Variants in TCF7L1 observed in about 807,000 individuals in gnomAD.
TCF7L1 encodes transcription factor 7 like 1.
TCF7L1 carries 18 observed loss-of-function variants against 63.7 expected under a neutral mutation model. That is an observed-to-expected ratio of 0.28 (90% CI 0.20 to 0.42). TCF7L1 has a LOEUF of 0.42. TCF7L1 is among the 10% of genes least tolerant of loss of function. The probability of loss-of-function intolerance (pLI) is 1.00; values close to 1 mark genes in which losing one functional copy is unlikely to be tolerated. For missense variants in TCF7L1, 654 were observed against 779.3 expected (o/e 0.84, Z 1.91); for synonymous variants, 355 against 340.9 (o/e 1.04, Z -0.46).
intron 3 of TCF7L1, among the ~76,000 whole-genome samples, chr2:85,205,281 A>C (rs17026015): frequency 0.087 from 13,228 of 152,276 alleles, 1,046 homozygotes; most frequent in African/African-American, 0.21. Context: ...GCCCTCTTGC[A>C]GCATAATTTA....
intron 3 of TCF7L1, among the ~76,000 whole-genome samples, chr2:85,142,386 C>A (rs947411574): frequency 6.7e-6 from 1 of 149,800 alleles, no homozygotes; most frequent in Non-Finnish European, 1.5e-5. Context: ...CCACTGCACT[C>A]CAGCCTGAAT....
At chr2:85,197,067 T>TA (rs1679172955) in intron 3 of TCF7L1, among the ~76,000 whole-genome samples, 1 of 152,160 alleles carries the variant, frequency 6.6e-6, no homozygotes, top group Non-Finnish European at 1.5e-5. Flanking sequence ...AGTTTCCACT[T>TA]ACCACCCCCA....
intron 3 of TCF7L1, among the ~76,000 whole-genome samples, chr2:85,278,875 C>T (rs909098852): frequency 2.0e-5 from 3 of 152,204 alleles, no homozygotes; most frequent in Non-Finnish European, 4.4e-5. Flanking sequence ...CATCCAAAAG[C>T]GGGTATTTAA....
At chr2:85,238,135 G>A (rs575638222) in intron 3 of TCF7L1, among the ~76,000 whole-genome samples, 1 of 152,284 alleles carries the variant, frequency 6.6e-6, no homozygotes, top group African/African-American at 2.4e-5. Flanking sequence ...GCGAGCGAGG[G>A]AGGTGGAGAT....
chr2:85,302,976 C>A (rs113856274), intron 5 of TCF7L1, among the ~76,000 whole-genome samples: 5 of 152,318 alleles, frequency 3.3e-5, no homozygotes, highest in African/African-American at 1.2e-4. Context: ...TAAATAGATT[C>A]ATCAGTCTAA....
At chr2:85,153,879 TAATAA>T (rs1285743386) in intron 3 of TCF7L1, among the ~76,000 whole-genome samples, 1 of 152,244 alleles carries the variant, frequency 6.6e-6, no homozygotes, top group African/African-American at 2.4e-5. Flanking sequence ...GCACAGTATG[TAATAA>T]AATAAACAGC....
At chr2:85,245,629 G>A (rs573471604) in intron 3 of TCF7L1, among the ~76,000 whole-genome samples, 5 of 152,018 alleles carry the variant, frequency 3.3e-5, no homozygotes, top group East Asian at 3.9e-4. Flanking sequence ...TGGCTAACAC[G>A]GTGAAACCCC....
chr2:85,224,041 G>C (rs1679903808), intron 3 of TCF7L1, among the ~76,000 whole-genome samples: 1 of 152,118 alleles, frequency 6.6e-6, no homozygotes, highest in African/African-American at 2.4e-5. Context: ...TGCAGTGTTT[G>C]GTTTCCTGTC....
intron 3 of TCF7L1, among the ~76,000 whole-genome samples, chr2:85,221,475 C>G (rs762692507): frequency 7.9e-5 from 12 of 152,316 alleles, no homozygotes; most frequent in Middle Eastern, 3.4e-3. Context: ...GTTAAGGAGG[C>G]TGGGAAGTCC....
chr2:85,231,083 A>G (rs1023282097), intron 3 of TCF7L1, among the ~76,000 whole-genome samples: 4 of 152,186 alleles, frequency 2.6e-5, no homozygotes, highest in Non-Finnish European at 5.9e-5. Context: ...AACATCTGCA[A>G]GTATCTTGCA....
chr2:85,183,647 G>C (rs1405722442), intron 3 of TCF7L1, among the ~76,000 whole-genome samples: 2 of 152,174 alleles, frequency 1.3e-5, no homozygotes, highest in Non-Finnish European at 2.9e-5. Flanking sequence ...CATCGGGCGA[G>C]TCAGCAAGTT....
intron 4 of TCF7L1, among the ~76,000 whole-genome samples, chr2:85,291,832 A>G (rs1387077368): frequency 6.6e-6 from 1 of 152,112 alleles, no homozygotes; most frequent in Non-Finnish European, 1.5e-5. Flanking sequence ...CAGCCTCCCA[A>G]GTAGCTAGGA....
chr2:85,212,055 A>G (rs989540183), intron 3 of TCF7L1, among the ~76,000 whole-genome samples: 5 of 130,684 alleles, frequency 3.8e-5, no homozygotes, highest in African/African-American at 1.4e-4. Context: ...ACGCCGCTGC[A>G]CTCCAGCCTG....
chr2:85,198,466 C>G (rs1464881183), intron 3 of TCF7L1, among the ~76,000 whole-genome samples: 1 of 152,192 alleles, frequency 6.6e-6, no homozygotes, highest in African/African-American at 2.4e-5. Context: ...GTCCTCTGTT[C>G]TGAGCATTTT....
At chr2:85,186,055 C>T (rs983022653) in intron 3 of TCF7L1, among the ~76,000 whole-genome samples, 1 of 150,760 alleles carries the variant, frequency 6.6e-6, no homozygotes, top group Non-Finnish European at 1.5e-5. Flanking sequence ...CAAGCTCTGC[C>T]TCCCAGGTTC....
At chr2:85,283,658 T>G in intron 4 of TCF7L1, 80 bp downstream of exon 4, 2 of 1,421,232 alleles carry the variant, frequency 1.4e-6, no homozygotes, top group Non-Finnish European at 2.0e-6. Flanking sequence ...GCCATCACGC[T>G]GAAGCAGATG....
At position 85,302,633 on chromosome 2, in the gene TCF7L1, T is replaced by G. The variant is rs1186543199; in HGVS notation, c.658+17T>G. The G allele has an allele frequency of 1.5e-6, 2 of 1,375,674 alleles. No homozygotes were observed. The highest frequency in any genetic ancestry group is 1.9e-6 in the Non-Finnish European group (2 of 1,029,574). 85.2% of individuals were successfully genotyped at this position (1,375,674 alleles called of 1,614,324 possible). A position where few individuals can be genotyped will look rare whatever the true frequency, so the allele number is the denominator to read the frequency against. On this transcript the variant is annotated intron_variant, in intron 5 of 11. Transcript: ENST00000282111. Reference sequence around the variant, plus strand: ...CAAAGACAGGTAAGTCGTCTGCCACTCAGGCAGTGCTGCTGCAGGGCAGGC... The same window carrying G: ...CAAAGACAGGTAAGTCGTCTGCCACGCAGGCAGTGCTGCTGCAGGGCAGGC...
intron 3 of TCF7L1, among the ~76,000 whole-genome samples, chr2:85,251,373 G>A (rs1680583563): frequency 6.6e-6 from 1 of 152,162 alleles, no homozygotes; most frequent in South Asian, 2.1e-4. Flanking sequence ...AAGCTTGTGA[G>A]GAAGAAATAA....
chr2:85,144,601 C>T, intron 3 of TCF7L1, among the ~76,000 whole-genome samples: 1 of 149,138 alleles, frequency 6.7e-6, no homozygotes, highest in African/African-American at 2.5e-5. Context: ...GACCCTGTCT[C>T]AAAAAAAAAA....
Sources: allele counts gnomAD v4.1 joint callset (sites outside exome capture counted in the v4.1 genomes callset), GRCh38; gene constraint gnomAD v4.1.1; transcripts MANE v1.5; gene names NCBI Gene and HGNC (gene_info 2026-07-23, HGNC 2026-07-21).